SKAP1: variants seen among roughly 807,000 people sequenced by gnomAD.
The protein encoded by SKAP1 is src kinase-associated phosphoprotein 1.
Under a neutral mutation model 58.5 loss-of-function variants are expected in SKAP1, and 44 were observed. The observed-to-expected ratio is 0.75, with a 90% CI of 0.59 to 0.97. SKAP1 has a LOEUF of 0.97. SKAP1 is among the 50% of genes least tolerant of loss of function. The probability of loss-of-function intolerance (pLI) is 0.00; values close to 1 mark genes in which losing one functional copy is unlikely to be tolerated. For synonymous variants in SKAP1, 127 were observed against 149.7 expected, an observed-to-expected ratio of 0.85 and a Z score of 1.11; for missense variants, 390 against 435.2, an observed-to-expected ratio of 0.90 and a Z score of 0.92.
chr17:48,359,929 G>A (rs570304225), intron 3 of SKAP1, among the ~76,000 whole-genome samples: 8 of 152,148 alleles, frequency 5.3e-5, no homozygotes, highest in African/African-American at 1.4e-4. Flanking sequence ...ATTAGGCATC[G>A]ATTTACTTTG....
At chr17:48,421,052 C>T (rs930550808) in intron 1 of SKAP1, among the ~76,000 whole-genome samples, 1 of 152,170 alleles carries the variant, frequency 6.6e-6, no homozygotes, top group African/African-American at 2.4e-5. Context: ...CTTGACAAGG[C>T]ATGCTCTTTG....
intron 2 of SKAP1, 84 bp downstream of exon 2, chr17:48,396,596 T>C: frequency 1.2e-6 from 1 of 820,020 alleles, no homozygotes; most frequent in Non-Finnish European, 2.0e-6. Context: ...ATGATAGGTA[T>C]GTCTTACCTT....
chr17:48,350,422 G>T (rs563476017), intron 3 of SKAP1, among the ~76,000 whole-genome samples: 1 of 152,270 alleles, frequency 6.6e-6, no homozygotes, highest in African/African-American at 2.4e-5. Context: ...GCAGCCGGGC[G>T]TGGTGGCTCA....
intron 9 of SKAP1, among the ~76,000 whole-genome samples, chr17:48,172,677 T>C (rs1048794926): frequency 6.6e-6 from 1 of 152,238 alleles, no homozygotes; most frequent in Non-Finnish European, 1.5e-5. Flanking sequence ...TGACATTTGC[T>C]TGTCTTGCTT....
At chr17:48,285,758 G>C (rs1023194586) in intron 4 of SKAP1, among the ~76,000 whole-genome samples, 2 of 152,116 alleles carry the variant, frequency 1.3e-5, no homozygotes, top group Admixed American at 1.3e-4. Context: ...CAATTCTGTG[G>C]TGAGAAAAGG....
chr17:48,155,320 G>T (rs1398604873), intron 11 of SKAP1, among the ~76,000 whole-genome samples: 1 of 151,096 alleles, frequency 6.6e-6, no homozygotes, highest in African/African-American at 2.4e-5. Context: ...TAGAGATGGG[G>T]TTTTGCCATG....
At position 48,250,272 on chromosome 17, in the gene SKAP1, G is replaced by GT. The variant is rs755523173; in HGVS notation, c.281-60773dup. 5.8e-3 allele frequency among the ~76,000 whole-genome samples: 431 copies of GT among 74,034 alleles called. 54 individuals are homozygous for GT. Among genetic ancestry groups the GT allele is most frequent in the African/African-American group, 8.6e-3 (161 of 18,642 alleles). The allele number at this position is 74,034 out of a possible 152,430, so 48.6% of individuals were successfully genotyped here. On this transcript the variant is annotated intron_variant, in intron 4 of 12. Transcript: ENST00000336915. ...TACATATATTTTGCTGCCATAGACA[G>GT]TTTTTTTTTTTTTTTTTTTTTTTTT...
chr17:48,425,367 T>C (rs948562717), intron 1 of SKAP1, among the ~76,000 whole-genome samples: 3 of 152,192 alleles, frequency 2.0e-5, no homozygotes, highest in African/African-American at 7.2e-5. Flanking sequence ...AGTATATCCA[T>C]ATAATGAACA....
intron 4 of SKAP1, among the ~76,000 whole-genome samples, chr17:48,205,615 T>C (rs1481550671): frequency 6.6e-6 from 1 of 152,126 alleles, no homozygotes; most frequent in African/African-American, 2.4e-5. Flanking sequence ...CACAGTGATA[T>C]TTCAGAACAG....
intron 4 of SKAP1, among the ~76,000 whole-genome samples, chr17:48,252,477 C>T (rs890216799): frequency 8.5e-5 from 13 of 152,142 alleles, no homozygotes; most frequent in Non-Finnish European, 1.9e-4. Context: ...TGTTACTTTG[C>T]CTGTACTTTA....
intron 4 of SKAP1, among the ~76,000 whole-genome samples, chr17:48,222,600 C>T (rs1472188032): frequency 6.6e-6 from 1 of 151,904 alleles, no homozygotes; most frequent in South Asian, 2.1e-4. Context: ...CTGCCTCAGC[C>T]TCCTGAGTAT....
At chr17:48,268,973 T>C in intron 4 of SKAP1, among the ~76,000 whole-genome samples, 1 of 152,094 alleles carries the variant, frequency 6.6e-6, no homozygotes, top group Non-Finnish European at 1.5e-5. Context: ...TAGAGCTACA[T>C]AAGTCCTAGT....
At chr17:48,172,636 C>G (rs1417425714) in intron 9 of SKAP1, among the ~76,000 whole-genome samples, 2 of 152,134 alleles carry the variant, frequency 1.3e-5, no homozygotes, top group Non-Finnish European at 2.9e-5. Flanking sequence ...TCCTCCTGGC[C>G]ACATTTACTT....
At chr17:48,193,123 C>T (rs760040675) in intron 4 of SKAP1, among the ~76,000 whole-genome samples, 2 of 152,126 alleles carry the variant, frequency 1.3e-5, no homozygotes, top group African/African-American at 4.8e-5. Context: ...CTCACTGCAA[C>T]CTCCACCTCC....
At chr17:48,303,636 G>A (rs527531829) in intron 4 of SKAP1, among the ~76,000 whole-genome samples, 52 of 152,184 alleles carry the variant, frequency 3.4e-4, no homozygotes, top group African/African-American at 1.3e-3. Flanking sequence ...ACCATCTTAT[G>A]TCAGAAAACT....
At chr17:48,211,965 C>T (rs1279729650) in intron 4 of SKAP1, among the ~76,000 whole-genome samples, 1 of 150,938 alleles carries the variant, frequency 6.6e-6, no homozygotes, top group African/African-American at 2.4e-5. Context: ...TTACACATTC[C>T]ACTAACCAGA....
At chr17:48,193,295 G>A (rs933074469) in intron 4 of SKAP1, among the ~76,000 whole-genome samples, 6 of 151,972 alleles carry the variant, frequency 3.9e-5, no homozygotes, top group South Asian at 2.1e-4. Flanking sequence ...CAGCCGCCTC[G>A]GCCTCCCAAA....
intron 2 of SKAP1, among the ~76,000 whole-genome samples, chr17:48,384,632 T>C (rs1388254910): frequency 6.6e-6 from 1 of 152,170 alleles, no homozygotes; most frequent in African/African-American, 2.4e-5. Context: ...CTATCAGAAG[T>C]CTTCTTACAT....
chr17:48,277,283 T>C (rs1293419179), intron 4 of SKAP1, among the ~76,000 whole-genome samples: 1 of 152,238 alleles, frequency 6.6e-6, no homozygotes, highest in African/African-American at 2.4e-5. Context: ...CAGCTGAGTA[T>C]TAAAGTTGCA....
Sources: allele counts gnomAD v4.1 joint callset (sites outside exome capture counted in the v4.1 genomes callset), GRCh38; gene constraint gnomAD v4.1.1; transcripts MANE v1.5; gene names NCBI Gene and HGNC (gene_info 2026-07-23, HGNC 2026-07-21).